EYS: variants seen among roughly 807,000 people sequenced by gnomAD.
EYS encodes EGF-like photoreceptor maintenance factor, also known as protein eyes shut homolog.
EYS carries 250 observed loss-of-function variants against 282.1 expected under a neutral mutation model. That is an observed-to-expected ratio of 0.89 (90% CI 0.80 to 0.98). EYS has a LOEUF of 0.98. EYS is among the 50% of genes least tolerant of loss of function. The probability of loss-of-function intolerance (pLI) is 0.00; values close to 1 mark genes in which losing one functional copy is unlikely to be tolerated. For missense variants in EYS, 4,016 were observed against 3,709.0 expected, an observed-to-expected ratio of 1.08 and a Z score of -2.15; for synonymous variants, 1,355 against 1,282.9, an observed-to-expected ratio of 1.06 and a Z score of -1.20.
intron 26 of EYS, among the ~76,000 whole-genome samples, chr6:64,550,099 G>A (rs1309318526): frequency 6.6e-6 from 1 of 152,134 alleles, no homozygotes; most frequent in Non-Finnish European, 1.5e-5. Context: ...GTATTCCATG[G>A]TGTATATGTG....
chr6:64,183,928 C>T (rs945270308), intron 31 of EYS, among the ~76,000 whole-genome samples: 8 of 151,772 alleles, frequency 5.3e-5, no homozygotes, highest in Admixed American at 1.3e-4. Flanking sequence ...AATTTTGTAA[C>T]GCAATTTTAA....
intron 5 of EYS, among the ~76,000 whole-genome samples, chr6:65,469,213 A>T (rs1765117216): frequency 6.6e-6 from 1 of 152,000 alleles, no homozygotes; most frequent in South Asian, 2.1e-4. Context: ...TAGCGACCTT[A>T]TATAATACAT....
At chr6:65,378,343 T>C (rs1290468853) in intron 8 of EYS, among the ~76,000 whole-genome samples, 1 of 152,160 alleles carries the variant, frequency 6.6e-6, no homozygotes, top group African/African-American at 2.4e-5. Context: ...AGATACCATC[T>C]CATGGCAGTT....
At chr6:64,029,111 G>A (rs1769686554) in intron 33 of EYS, among the ~76,000 whole-genome samples, 1 of 152,166 alleles carries the variant, frequency 6.6e-6, no homozygotes, top group Non-Finnish European at 1.5e-5. Context: ...TAGTAGAATG[G>A]GAACCAGAGG....
At chr6:65,121,918 T>C (rs991899649) in intron 12 of EYS, among the ~76,000 whole-genome samples, 3 of 152,134 alleles carry the variant, frequency 2.0e-5, no homozygotes, top group African/African-American at 4.8e-5. Flanking sequence ...TTGTTTCATA[T>C]AGCTAATTTA....
chr6:63,898,105 G>A (rs549227133), intron 35 of EYS, among the ~76,000 whole-genome samples: 2 of 152,120 alleles, frequency 1.3e-5, no homozygotes, highest in South Asian at 2.1e-4. Flanking sequence ...ATGTTACCAC[G>A]CTGGGCCAAA....
intron 29 of EYS, among the ~76,000 whole-genome samples, chr6:64,343,009 T>C (rs1771191063): frequency 6.6e-6 from 1 of 152,022 alleles, no homozygotes; most frequent in Non-Finnish European, 1.5e-5. Flanking sequence ...GAACTAACTA[T>C]CCTAAATATA....
intron 29 of EYS, among the ~76,000 whole-genome samples, chr6:64,368,251 T>C (rs772749055): frequency 7.9e-5 from 12 of 152,140 alleles, no homozygotes; most frequent in Non-Finnish European, 2.9e-5. Flanking sequence ...GCTCCATCCA[T>C]GTTGCTTCAA....
chr6:65,614,096 C>A (rs1766099317), intron 2 of EYS, among the ~76,000 whole-genome samples: 1 of 151,950 alleles, frequency 6.6e-6, no homozygotes, highest in Admixed American at 6.6e-5. Flanking sequence ...CTTTAAATTT[C>A]ACTTATTTCA....
intron 30 of EYS, among the ~76,000 whole-genome samples, chr6:64,272,911 A>G (rs1467581018): frequency 6.6e-6 from 1 of 152,130 alleles, no homozygotes; most frequent in Non-Finnish European, 1.5e-5. Context: ...TGGTATTAAT[A>G]TGTAGAAATG....
At chr6:65,094,930 A>C (rs1176386678) in intron 12 of EYS, among the ~76,000 whole-genome samples, 3 of 151,278 alleles carry the variant, frequency 2.0e-5, no homozygotes, top group African/African-American at 7.3e-5. Flanking sequence ...TGGTTTTCTG[A>C]AAAGATAAAA....
At chr6:64,022,855 C>G (rs543473488) in intron 33 of EYS, among the ~76,000 whole-genome samples, 342 of 152,314 alleles carry the variant, frequency 2.2e-3, no homozygotes, top group African/African-American at 7.7e-3. Context: ...AACCGCCAAC[C>G]TTCTCTTTGT....
intron 36 of EYS, among the ~76,000 whole-genome samples, chr6:63,815,212 A>G (rs1466580840): frequency 6.6e-6 from 1 of 152,160 alleles, no homozygotes; most frequent in Non-Finnish European, 1.5e-5. Context: ...TAGATGCCCT[A>G]TCTAAATTAC....
At chr6:64,479,076 A>G (rs920380834) in intron 26 of EYS, among the ~76,000 whole-genome samples, 2 of 151,990 alleles carry the variant, frequency 1.3e-5, no homozygotes. Flanking sequence ...TATACTATCA[A>G]AATCACCAAT....
At chr6:65,624,187 A>C (rs1292560953) in intron 2 of EYS, among the ~76,000 whole-genome samples, 2 of 152,248 alleles carry the variant, frequency 1.3e-5, no homozygotes, top group African/African-American at 4.8e-5. Flanking sequence ...AAACTTATAC[A>C]AAAGCAATAA....
intron 22 of EYS, among the ~76,000 whole-genome samples, chr6:64,708,616 AT>A (rs1406899520): frequency 1.3e-5 from 2 of 152,116 alleles, no homozygotes; most frequent in East Asian, 3.9e-4. Flanking sequence ...TTTGTTAGCT[AT>A]TTGGGAAAAA....
intron 14 of EYS, among the ~76,000 whole-genome samples, chr6:64,988,847 C>G (rs2150121066): frequency 6.6e-6 from 1 of 151,532 alleles, no homozygotes; most frequent in South Asian, 2.1e-4. Flanking sequence ...TATCAAAACA[C>G]ATGATCAGTG....
chr6:64,180,312 C>T (rs894160490), intron 31 of EYS, among the ~76,000 whole-genome samples: 1 of 152,100 alleles, frequency 6.6e-6, no homozygotes, highest in Non-Finnish European at 1.5e-5. Flanking sequence ...ATGTGTAATC[C>T]TCCATTGTAT....
chr6:65,020,006 C>A (rs1471342693), intron 13 of EYS, among the ~76,000 whole-genome samples: 3 of 152,040 alleles, frequency 2.0e-5, no homozygotes, highest in Non-Finnish European at 4.4e-5. Context: ...AGTAACCCAC[C>A]CCCATGATTC....
Sources: allele counts gnomAD v4.1 joint callset (sites outside exome capture counted in the v4.1 genomes callset), GRCh38; gene constraint gnomAD v4.1.1; transcripts MANE v1.5; gene names NCBI Gene and HGNC (gene_info 2026-07-23, HGNC 2026-07-21).